The following SESTD1 variants were observed in gnomAD, a reference collection of about 807,000 sequenced individuals.
SESTD1 encodes the protein SEC14 domain and spectrin repeat-containing protein 1.
SESTD1 carries 43 observed loss-of-function variants against 101.7 expected under a neutral mutation model. That is an observed-to-expected ratio of 0.42 (90% CI 0.33 to 0.55). The LOEUF is 0.55. Ranked by LOEUF, SESTD1 falls within the 20% of genes least tolerant of loss-of-function variation. The pLI, the probability that SESTD1 is intolerant of heterozygous loss-of-function variation, is 0.07. For synonymous variants in SESTD1, 283 were observed against 286.8 expected (o/e 0.99, Z 0.13); for missense variants, 647 against 815.1 (o/e 0.79, Z 2.51).
chr2:179,171,781 T>A (rs2045934638), intron 5 of SESTD1, among the ~76,000 whole-genome samples: 1 of 152,168 alleles, frequency 6.6e-6, no homozygotes, highest in Non-Finnish European at 1.5e-5. Flanking sequence ...GACTATAATT[T>A]CAACTCCAAA....
chr2:179,120,598 T>G (rs2044728396), intron 13 of SESTD1, among the ~76,000 whole-genome samples: 2 of 152,236 alleles, frequency 1.3e-5, no homozygotes, highest in Admixed American at 1.3e-4. Flanking sequence ...AAGTCAGTTG[T>G]GCCTAACGCT....
At position 179,103,882 on chromosome 2, in the gene SESTD1, G is replaced by A. The variant is rs183445207; in HGVS notation, c.*6017C>T. The A allele has an allele frequency of 2.6e-5, 4 of 152,138 alleles. No homozygotes were observed. In the East Asian group the frequency reaches 7.7e-4, roughly 29 times the overall value. The allele number at this position is 152,138 out of a possible 1,614,324, so 9.4% of individuals were successfully genotyped here. A position where few individuals can be genotyped will look rare whatever the true frequency, so the allele number is the denominator to read the frequency against. Reference sequence around the variant, plus strand: ...GCACTTCATTGCATGCTAATTTTATGTAAAAAAGCCAACAATGAACTCTAG... The same window carrying A: ...GCACTTCATTGCATGCTAATTTTATATAAAAAAGCCAACAATGAACTCTAG... On this transcript the variant is annotated 3_prime_UTR_variant, in exon 18 of 18. Coordinates refer to ENST00000428443, the MANE Select transcript of SESTD1 (RefSeq NM_178123.5).
At position 179,194,717 on chromosome 2, in the gene SESTD1, A is replaced by G. The variant is rs192895034; in HGVS notation, c.-25-2851T>C. ...TCACTTGCCTGATTCAGAGCATGAA[A>G]AAGGCCACATAAAACTTGTAAATTA... On this transcript the variant is annotated intron_variant, in intron 1 of 17. Coordinates refer to ENST00000428443, the MANE Select transcript of SESTD1 (RefSeq NM_178123.5). Among the ~76,000 whole-genome samples the G allele has an allele frequency of 1.2e-4, 19 of 152,340 alleles. 1 individual carries two copies. Among genetic ancestry groups the G allele is most frequent in the Admixed American group, 1.2e-3 (19 of 15,308 alleles).
At chr2:179,112,598 G>A (rs555352049) in intron 17 of SESTD1, 126 bp downstream of exon 17, 38 of 1,133,780 alleles carry the variant, frequency 3.4e-5, no homozygotes, top group African/African-American at 1.5e-4. Context: ...CTAATTCATC[G>A]TAGGAGTTAA....
At chr2:179,177,954 C>A (rs1252335215) in intron 3 of SESTD1, among the ~76,000 whole-genome samples, 1 of 152,162 alleles carries the variant, frequency 6.6e-6, no homozygotes, top group Non-Finnish European at 1.5e-5. Flanking sequence ...CACAAAAGGA[C>A]ACACACTGAA....
In SESTD1 at chr2:179,143,654, C is replaced by G; in HGVS notation, c.787G>C (p.Glu263Gln). 6.2e-7 allele frequency: 1 copy of G among 1,613,904 alleles called. No homozygotes were observed. Among genetic ancestry groups the G allele is most frequent in the South Asian group, 1.1e-5 (1 of 91,074 alleles). The change falls in exon 9 of 18, where the codon GAA (glutamate) becomes CAA (glutamine). Residue 263 changes from glutamate to glutamine, a missense_variant. Physicochemically the swap from Glu to Gln is conservative, Grantham distance 29. Coordinates refer to ENST00000428443, the MANE Select transcript of SESTD1 (RefSeq NM_178123.5). ...SLREQYTRYQ[E>Q]VCRQRSKRTQ... ...CGCTTGCTACGTTGCCTACAAACTT[C>G]CTGGTAGCGGGTATATTGCTCTCGG...
intron 15 of SESTD1, 185 bp downstream of exon 15, chr2:179,116,483 C>T (rs139968585): frequency 1.4e-5 from 12 of 827,956 alleles, no homozygotes; most frequent in East Asian, 1.1e-4. Context: ...TTCAGGGAAA[C>T]GTAAACCCTC....
At chr2:179,116,440 A>T in intron 15 of SESTD1, 2 of 585,542 alleles carry the variant, frequency 3.4e-6, no homozygotes, top group South Asian at 3.9e-5. Flanking sequence ...CGTAATACAT[A>T]GCATAAATCA....
In SESTD1 at chr2:179,115,080, G is replaced by A. The variant is rs1559096037; in HGVS notation, c.1824C>T (p.His608=). 1 of 1,609,686 alleles carries A rather than the reference G, an allele frequency of 6.2e-7. No individual in the cohort carries two copies. The highest frequency in any genetic ancestry group is 8.5e-7 in the Non-Finnish European group (1 of 1,178,802). Residue 608 remains histidine, a synonymous_variant, in exon 16 of 18, where the codon CAC becomes CAT. Coordinates refer to ENST00000428443, the MANE Select transcript of SESTD1 (RefSeq NM_178123.5). ...VHRLEMAIAF[H]SNAEKILQDC... ...ACAAGCAAACCTTTTCAGCATTTGA[G>A]TGAAATGCAATAGCCATTTCCAATC...
intron 2 of SESTD1, among the ~76,000 whole-genome samples, chr2:179,191,326 A>C (rs1182549053): frequency 6.6e-6 from 1 of 152,188 alleles, no homozygotes; most frequent in East Asian, 1.9e-4. Context: ...ATTGACACAG[A>C]AACAGAAAAC....
intron 1 of SESTD1, among the ~76,000 whole-genome samples, chr2:179,257,969 G>C (rs1299774992): frequency 6.6e-6 from 1 of 152,176 alleles, no homozygotes; most frequent in Non-Finnish European, 1.5e-5. Flanking sequence ...TCCCTCAGGA[G>C]AGACCTATGA....
At chr2:179,167,876 T>A (rs1002069848) in intron 5 of SESTD1, among the ~76,000 whole-genome samples, 1 of 152,038 alleles carries the variant, frequency 6.6e-6, no homozygotes, top group East Asian at 1.9e-4. Flanking sequence ...AATTCTCCTG[T>A]CTCAGCCTCC....
At chr2:179,194,270 ACTAG>A (rs764021911) in intron 1 of SESTD1, among the ~76,000 whole-genome samples, 4 of 151,944 alleles carry the variant, frequency 2.6e-5, no homozygotes, top group Admixed American at 6.6e-5. Flanking sequence ...CCCTTCTCAT[ACTAG>A]GTCAGAGGCC....
At chr2:179,181,387 A>C (rs2046106646) in intron 3 of SESTD1, among the ~76,000 whole-genome samples, 1 of 152,196 alleles carries the variant, frequency 6.6e-6, no homozygotes, top group Admixed American at 6.5e-5. Context: ...ATTCAGTGTG[A>C]ATAACTTGCT....
Position 179,169,864 on chromosome 2 carries a change from C to T in SESTD1, c.369+2256G>A, listed in dbSNP as rs549536079. ...TGGTGCATGCCTGTAATCTCAGCTA[C>T]GTGGGAGGCTCAGGCAGGAGAATCT... is the stretch of plus-strand genomic sequence containing the variant. On this transcript the variant is annotated intron_variant, in intron 5 of 17. Coordinates refer to ENST00000428443, the MANE Select transcript of SESTD1 (RefSeq NM_178123.5). Among the ~76,000 whole-genome samples, 10 of 151,286 alleles carry T rather than the reference C, an allele frequency of 6.6e-5. No homozygotes were observed. The South Asian group carries it at 2.1e-3, about 32-fold the overall frequency.
intron 12 of SESTD1, 71 bp downstream of exon 12, chr2:179,123,644 T>C (rs2044801271): frequency 1.2e-5 from 12 of 988,520 alleles, no homozygotes; most frequent in South Asian, 4.7e-5. Context: ...GTTGACTTAA[T>C]TGTCTAACCA....
chr2:179,110,678 CATCA>C (rs2044487585), intron 17 of SESTD1, among the ~76,000 whole-genome samples: 1 of 152,046 alleles, frequency 6.6e-6, no homozygotes, highest in African/African-American at 2.4e-5. Context: ...CCAGAGAGAC[CATCA>C]ATCTCTTTTA....
At chr2:179,185,644 T>C (rs1231240788) in intron 2 of SESTD1, among the ~76,000 whole-genome samples, 88 of 126,294 alleles carry the variant, frequency 7.0e-4, no homozygotes, top group African/African-American at 2.7e-3. Context: ...TAGCATATTA[T>C]ATACAATATA....
intron 5 of SESTD1, among the ~76,000 whole-genome samples, chr2:179,153,131 C>T (rs931413251): frequency 1.3e-5 from 2 of 152,082 alleles, no homozygotes; most frequent in Non-Finnish European, 1.5e-5. Flanking sequence ...TGTGCCAATA[C>T]CTATAAACTC....
Sources: allele counts gnomAD v4.1 joint callset (sites outside exome capture counted in the v4.1 genomes callset), GRCh38; gene constraint gnomAD v4.1.1; transcripts MANE v1.5; gene names NCBI Gene and HGNC (gene_info 2026-07-23, HGNC 2026-07-21).